CDH13: variants seen among roughly 807,000 people sequenced by gnomAD.
CDH13 encodes the protein cadherin 13.
CDH13 carries 24 observed loss-of-function variants against 63.8 expected under a neutral mutation model. The ratio of observed to expected loss-of-function variants is 0.38; its 90% CI spans 0.27 to 0.53. The LOEUF (loss-of-function observed/expected upper bound fraction) is 0.53. Ranked by LOEUF, CDH13 falls within the 20% of genes least tolerant of loss-of-function variation. CDH13 has a pLI of 0.85. For synonymous variants in CDH13, 503 were observed against 355.3 expected (o/e 1.42, Z -4.67); for missense variants, 1,049 against 903.1 (o/e 1.16, Z -2.07).
intron 6 of CDH13, among the ~76,000 whole-genome samples, chr16:83,392,882 G>T (rs1021097266): frequency 6.6e-6 from 1 of 152,040 alleles, no homozygotes; most frequent in Non-Finnish European, 1.5e-5. Context: ...CGCCCCTGAA[G>T]AATGTTGGGA....
At chr16:83,705,656 A>G (rs1341320268) in intron 10 of CDH13, among the ~76,000 whole-genome samples, 2 of 152,186 alleles carry the variant, frequency 1.3e-5, no homozygotes, top group African/African-American at 2.4e-5. Flanking sequence ...TAGCAGGAAG[A>G]GAGAATTAAG....
At chr16:83,436,844 T>G (rs578147752) in intron 6 of CDH13, among the ~76,000 whole-genome samples, 56 of 152,186 alleles carry the variant, frequency 3.7e-4, no homozygotes, top group Non-Finnish European at 6.6e-4. Flanking sequence ...TCCATAGAGA[T>G]AAATCATCAC....
At chr16:82,977,275 C>T (rs553575123) in intron 2 of CDH13, among the ~76,000 whole-genome samples, 37 of 152,190 alleles carry the variant, frequency 2.4e-4, no homozygotes, top group African/African-American at 7.9e-4. Context: ...GGCAGCCAAC[C>T]CTCAGCCCTG....
rs149228177 is a variant in CDH13 at position 83,798,394 on chromosome 16, T to A, written c.*3364T>A. ...ATGGTACCAAAAAGGTGATTAATAA[T>A]TATAATAATGGTTTATATTTATCAA... On this transcript the variant is annotated 3_prime_UTR_variant, in exon 14 of 14. Transcript: ENST00000567109. 2 of 152,356 alleles carry A rather than the reference T, an allele frequency of 1.3e-5. No individual in the cohort carries two copies. Among genetic ancestry groups the A allele is most frequent in the East Asian group, 3.9e-4 (2 of 5,188 alleles). The allele number at this position is 152,356 out of a possible 1,614,324, so 9.4% of individuals were successfully genotyped here.
chr16:83,761,508 G>T (rs1913966051), intron 11 of CDH13, among the ~76,000 whole-genome samples: 1 of 152,162 alleles, frequency 6.6e-6, no homozygotes, highest in African/African-American at 2.4e-5. Context: ...GACAGAAAAA[G>T]GAAAATGATG....
At chr16:83,392,120 C>G (rs951927) in intron 6 of CDH13, among the ~76,000 whole-genome samples, 78,790 of 151,934 alleles carry the variant, frequency 0.52, 22,245 homozygotes, top group East Asian at 0.87. Flanking sequence ...CACCCCTATA[C>G]ACACTGATCT....
chr16:82,739,329 T>A (rs140554325), intron 1 of CDH13, among the ~76,000 whole-genome samples: 1 of 152,310 alleles, frequency 6.6e-6, no homozygotes, highest in East Asian at 1.9e-4. Context: ...AAGATGGGGC[T>A]AGATGTGAGG....
At chr16:83,308,297 T>G (rs1346892478) in intron 5 of CDH13, among the ~76,000 whole-genome samples, 1 of 152,080 alleles carries the variant, frequency 6.6e-6, no homozygotes, top group Non-Finnish European at 1.5e-5. Flanking sequence ...CATGAAGGGG[T>G]TCATTAGCAA....
At chr16:83,161,816 G>A (rs1436538752) in intron 4 of CDH13, among the ~76,000 whole-genome samples, 1 of 152,156 alleles carries the variant, frequency 6.6e-6, no homozygotes, top group South Asian at 2.1e-4. Flanking sequence ...GATTCCCCGA[G>A]ATGAGAGTTT....
chr16:82,828,224 C>T (rs531687615), intron 1 of CDH13, among the ~76,000 whole-genome samples: 10 of 152,326 alleles, frequency 6.6e-5, no homozygotes, highest in African/African-American at 2.4e-4. Context: ...TGGGCCGCAG[C>T]ATTGCCTCTG....
At chr16:83,070,871 A>T (rs1044403411) in intron 3 of CDH13, among the ~76,000 whole-genome samples, 2 of 132,970 alleles carry the variant, frequency 1.5e-5, no homozygotes, top group African/African-American at 2.7e-5. Flanking sequence ...CCCCCCCCAA[A>T]TATCAATGAC....
chr16:83,505,272 G>A (rs574029091), intron 7 of CDH13, among the ~76,000 whole-genome samples: 34 of 152,298 alleles, frequency 2.2e-4, no homozygotes, highest in Admixed American at 1.8e-3. Context: ...CCTAGCGGGC[G>A]TTAGCCTACA....
At chr16:82,647,915 C>T (rs748343205) in intron 1 of CDH13, among the ~76,000 whole-genome samples, 56 of 152,002 alleles carry the variant, frequency 3.7e-4, no homozygotes, top group Non-Finnish European at 1.6e-4. Context: ...GGGACCCTGT[C>T]GGGGGTAACT....
At chr16:83,655,099 T>A (rs556965069) in intron 8 of CDH13, 1 of 152,370 alleles carries the variant, frequency 6.6e-6, no homozygotes, top group South Asian at 2.1e-4. Flanking sequence ...TAGAATTTTG[T>A]AGGACGGATT....
chr16:83,020,318 C>A lies in CDH13; in HGVS notation c.158-11692C>A, dbSNP rs532710893. Reference sequence around the variant, plus strand: ...CTGTCACATGAATTCACAAATTCTTCTTCCATGTCCTCTCATTCTGGCCTC... The same window carrying A: ...CTGTCACATGAATTCACAAATTCTTATTCCATGTCCTCTCATTCTGGCCTC... On this transcript the variant is annotated intron_variant, in intron 2 of 13. Transcript: ENST00000567109. 2.0e-5 allele frequency among the ~76,000 whole-genome samples: 3 copies of A among 152,300 alleles called. No homozygotes were observed. The South Asian group carries it at 6.2e-4, about 32-fold the overall frequency.
At chr16:82,917,631 G>C (rs1193902374) in intron 2 of CDH13, among the ~76,000 whole-genome samples, 1 of 152,120 alleles carries the variant, frequency 6.6e-6, no homozygotes, top group African/African-American at 2.4e-5. Flanking sequence ...GAACATATAG[G>C]CCAGGTACCA....
chr16:83,213,971 A>G (rs989889063), intron 4 of CDH13, among the ~76,000 whole-genome samples: 2 of 152,116 alleles, frequency 1.3e-5, no homozygotes, highest in South Asian at 2.1e-4. Flanking sequence ...AAATGGACCA[A>G]TCAGCACTCT....
intron 7 of CDH13, among the ~76,000 whole-genome samples, chr16:83,525,895 A>G (rs1458450424): frequency 6.6e-6 from 1 of 152,206 alleles, no homozygotes; most frequent in Non-Finnish European, 1.5e-5. Flanking sequence ...AGGAGGGGCC[A>G]CAAACCAAGG....
At chr16:82,904,424 C>G (rs1322606467) in intron 2 of CDH13, among the ~76,000 whole-genome samples, 1 of 152,170 alleles carries the variant, frequency 6.6e-6, no homozygotes, top group African/African-American at 2.4e-5. Flanking sequence ...TGAGTTTTCT[C>G]CAAGACACCC....
Sources: gnomAD v4.1 joint callset for allele counts (sites outside exome capture counted in the v4.1 genomes callset) on GRCh38, gnomAD v4.1.1 for gene constraint, MANE v1.5 for transcripts, NCBI Gene and HGNC (gene_info 2026-07-23, HGNC 2026-07-21) for gene names.